ADAMTSL1: variants seen among roughly 807,000 people sequenced by gnomAD.
ADAMTSL1 encodes the protein ADAMTS-like protein 1.
In ADAMTSL1, 126 loss-of-function variants were observed where a neutral mutation model predicts 201.8. The ratio of observed to expected loss-of-function variants is 0.62; its 90% CI spans 0.54 to 0.72. The LOEUF (loss-of-function observed/expected upper bound fraction) is 0.72. ADAMTSL1 is among the 30% of genes least tolerant of loss of function. The probability of loss-of-function intolerance (pLI) is 0.00; values close to 1 mark genes in which losing one functional copy is unlikely to be tolerated. For missense variants in ADAMTSL1, 2,679 were observed against 2,277.8 expected (o/e 1.18, Z -3.59); for synonymous variants, 1,121 against 903.4 (o/e 1.24, Z -4.32).
At chr9:18,286,670 G>A (rs1196305918) in intron 2 of ADAMTSL1, among the ~76,000 whole-genome samples, 1 of 56,178 alleles carries the variant, frequency 1.8e-5, no homozygotes, top group Non-Finnish European at 4.8e-5. Context: ...AAATTCCCTA[G>A]AGTTATCAAA....
intron 2 of ADAMTSL1, among the ~76,000 whole-genome samples, chr9:18,182,748 G>A (rs943126041): frequency 6.6e-6 from 1 of 152,198 alleles, no homozygotes; most frequent in African/African-American, 2.4e-5. Flanking sequence ...TGAGAAAACT[G>A]AGGCACGGAG....
At chr9:18,865,016 T>C (rs1827424753) in intron 23 of ADAMTSL1, among the ~76,000 whole-genome samples, 1 of 152,192 alleles carries the variant, frequency 6.6e-6, no homozygotes, top group African/African-American at 2.4e-5. Flanking sequence ...ATTATAACTT[T>C]GAATATTTTG....
intron 1 of ADAMTSL1, among the ~76,000 whole-genome samples, chr9:17,967,403 AATTGACTTTTTGTATCTGTGATTCTGT>A (rs1394331876): frequency 2.0e-5 from 3 of 152,134 alleles, no homozygotes; most frequent in African/African-American, 7.2e-5. Flanking sequence ...TTCATCTCTA[AATTGACTTTTTGTATCTGTGATTCTGT>A]AAAGATGGGT....
At position 18,906,735 on chromosome 9, in the gene ADAMTSL1, C is replaced by T. The variant is rs776830688; in HGVS notation, c.5005C>T (p.His1669Tyr). The change falls in exon 28 of 29, where the codon CAC becomes TAC. Residue 1669 changes from histidine (H) to tyrosine (Y), a missense_variant. By Grantham distance (83) the His-to-Tyr change is moderately conservative. Transcript: ENST00000380548. ...QNCWSEACSVHWRVSLWTLCT... is the reference protein window; with the variant it reads ...QNCWSEACSVYWRVSLWTLCT... The stretch of plus-strand genomic sequence containing the variant: ...CTGCTGGTCAGAGGCCTGCAGTGTA[C>T]ACTGGAGAGTCAGCCTGTGGACCCT... 1.4e-5 allele frequency: 23 copies of T among 1,612,610 alleles called. No homozygotes were observed. Among genetic ancestry groups the T allele is most frequent in the Admixed American group, 1.2e-4 (7 of 59,784 alleles).
At chr9:18,585,451 C>G (rs549742467) in intron 4 of ADAMTSL1, among the ~76,000 whole-genome samples, 3 of 152,242 alleles carry the variant, frequency 2.0e-5, no homozygotes, top group African/African-American at 4.8e-5. Flanking sequence ...TCATGCCCAT[C>G]ATTATGTGCT....
At chr9:18,898,490 A>AACAAG (rs1221061724) in intron 26 of ADAMTSL1, among the ~76,000 whole-genome samples, 1 of 152,256 alleles carries the variant, frequency 6.6e-6, no homozygotes, top group Non-Finnish European at 1.5e-5. Context: ...GAAAGGAACC[A>AACAAG]ACAAGACCTC....
intron 2 of ADAMTSL1, among the ~76,000 whole-genome samples, chr9:18,457,951 G>T (rs1820670015): frequency 6.6e-6 from 1 of 152,198 alleles, no homozygotes; most frequent in Admixed American, 6.5e-5. Flanking sequence ...CTGAATAGGG[G>T]TTATACCTGT....
chr9:18,397,299 G>A (rs989170817), intron 2 of ADAMTSL1, among the ~76,000 whole-genome samples: 2 of 152,042 alleles, frequency 1.3e-5, no homozygotes, highest in East Asian at 1.9e-4. Flanking sequence ...ATCCTGCCTC[G>A]TGGTATAATT....
At chr9:18,677,684 A>G (rs978405111) in intron 10 of ADAMTSL1, among the ~76,000 whole-genome samples, 12 of 151,916 alleles carry the variant, frequency 7.9e-5, no homozygotes, top group Admixed American at 4.6e-4. Flanking sequence ...ATAGGTTGGG[A>G]TTTTTCTCCA....
chr9:18,415,490 A>G (rs926056683), intron 2 of ADAMTSL1, among the ~76,000 whole-genome samples: 1 of 152,176 alleles, frequency 6.6e-6, no homozygotes, highest in East Asian at 1.9e-4. Context: ...ACTAATAGAA[A>G]GATCCCAAAT....
chr9:18,673,722 A>G (rs913237245), intron 9 of ADAMTSL1, among the ~76,000 whole-genome samples: 2 of 152,116 alleles, frequency 1.3e-5, no homozygotes, highest in African/African-American at 4.8e-5. Flanking sequence ...ACAGCCATAA[A>G]TTTTTTCAGG....
intron 20 of ADAMTSL1, among the ~76,000 whole-genome samples, chr9:18,804,441 C>G (rs1822982075): frequency 6.6e-6 from 1 of 152,112 alleles, no homozygotes; most frequent in African/African-American, 2.4e-5. Flanking sequence ...GTTAAAAACT[C>G]CTGCACTATA....
At chr9:18,516,901 GT>G (rs1417468056) in intron 2 of ADAMTSL1, among the ~76,000 whole-genome samples, 1 of 152,186 alleles carries the variant, frequency 6.6e-6, no homozygotes, top group African/African-American at 2.4e-5. Context: ...AAAGAAAAAT[GT>G]TGTGACTCTC....
chr9:18,173,945 C>G (rs1461351269), intron 2 of ADAMTSL1, among the ~76,000 whole-genome samples: 2 of 152,060 alleles, frequency 1.3e-5, no homozygotes, highest in Admixed American at 6.5e-5. Context: ...ATTCAAATTC[C>G]TGAGTTAGTC....
rs7021237 is a variant in ADAMTSL1 at position 18,137,103 on chromosome 9, T to A, written c.88-26759T>A. Among the ~76,000 whole-genome samples, 611 of 151,990 alleles carry A rather than the reference T, an allele frequency of 4.0e-3. 5 individuals are homozygous for A. Among genetic ancestry groups the A allele is most frequent in the Non-Finnish European group, 3.4e-3 (233 of 67,962 alleles). ...TGGACAGTTGTGAAAGATGAGGGCA[T>A]ACAGTCAGGGATGAAATCGGAATTT... On this transcript the variant is annotated intron_variant, in intron 1 of 29. Transcript: ENST00000680146.
At chr9:18,169,466 T>C (rs1046274276) in intron 2 of ADAMTSL1, among the ~76,000 whole-genome samples, 1 of 152,112 alleles carries the variant, frequency 6.6e-6, no homozygotes, top group African/African-American at 2.4e-5. Context: ...GAGGGCTCTG[T>C]TGTGTTCCAT....
intron 1 of ADAMTSL1, among the ~76,000 whole-genome samples, chr9:17,957,008 A>G (rs1827958273): frequency 6.6e-6 from 1 of 152,178 alleles, no homozygotes; most frequent in South Asian, 2.1e-4. Flanking sequence ...ATGAAATGGC[A>G]TAGCTATCTC....
chr9:18,091,510 A>T (rs1025462191), intron 1 of ADAMTSL1, among the ~76,000 whole-genome samples: 2 of 152,110 alleles, frequency 1.3e-5, no homozygotes, highest in African/African-American at 4.8e-5. Context: ...GTAAATCAGG[A>T]CCTTCCTTGT....
chr9:18,286,058 T>G, intron 2 of ADAMTSL1, among the ~76,000 whole-genome samples: 1 of 152,136 alleles, frequency 6.6e-6, no homozygotes. Context: ...TCTCTGTGGA[T>G]TTACACCTGT....
Sources: allele counts gnomAD v4.1 joint callset (sites outside exome capture counted in the v4.1 genomes callset), GRCh38; gene constraint gnomAD v4.1.1; transcripts MANE v1.5; gene names NCBI Gene and HGNC (gene_info 2026-07-23, HGNC 2026-07-21).